RFWD3: variants seen among roughly 807,000 people sequenced by gnomAD.
RFWD3 encodes the protein ring finger and WD repeat domain 3, also known as E3 ubiquitin-protein ligase RFWD3.
Under a neutral mutation model 87.7 loss-of-function variants are expected in RFWD3, and 65 were observed. The observed-to-expected ratio is 0.74, with a 90% confidence interval of 0.61 to 0.91. RFWD3 has a LOEUF of 0.91. Among genes scored for constraint, RFWD3 ranks in the 40% least tolerant of loss-of-function variants. RFWD3 has a pLI of 0.00. For missense variants in RFWD3, 1,078 were observed against 938.5 expected (o/e 1.15, Z -1.94); for synonymous variants, 433 against 352.8 (o/e 1.23, Z -2.55).
Position 74,660,946 on chromosome 16 carries a change from C to T in RFWD3, c.504G>A (p.Arg168=), listed in dbSNP as rs770985780. The T allele has an allele frequency of 1.2e-6, 2 of 1,613,008 alleles. No homozygotes were observed. The highest frequency in any genetic ancestry group is 1.7e-6 in the Non-Finnish European group (2 of 1,179,142). Residue 168 remains arginine (R), a synonymous_variant, in exon 2 of 13, where the codon AGG becomes AGA. Coordinates refer to ENST00000361070, the MANE Select transcript of RFWD3 (RefSeq NM_018124.4). ...TATTTATTTACCTGGCACTGTCTGT[C>T]CTCTGAGACCCTCCGGCTCTTGCCC... ...SRRARAGGSQ[R]TDSARLRAPL... is the part of the protein sequence containing the mutation.
At chr16:74,634,717 T>C (rs1027327481) in intron 8 of RFWD3, among the ~76,000 whole-genome samples, 5 of 149,728 alleles carry the variant, frequency 3.3e-5, no homozygotes, top group African/African-American at 1.2e-4. Context: ...ATACGTCAAA[T>C]CCTAGATTCA....
At chr16:74,662,399 A>G (rs1464867921) in intron 1 of RFWD3, among the ~76,000 whole-genome samples, 1 of 152,236 alleles carries the variant, frequency 6.6e-6, no homozygotes, top group Middle Eastern at 3.2e-3. Flanking sequence ...TGTTATGCAG[A>G]CAAGACACCC....
At chr16:74,636,721 T>G (rs997360268) in intron 7 of RFWD3, 144 bp from the exon 8 acceptor site, 3 of 512,030 alleles carry the variant, frequency 5.9e-6, no homozygotes, top group Non-Finnish European at 9.7e-6. Context: ...AGAGTTTTTG[T>G]TTTTTTTTTT....
intron 6 of RFWD3, among the ~76,000 whole-genome samples, chr16:74,642,776 A>G (rs1316732705): frequency 2.6e-5 from 4 of 152,218 alleles, no homozygotes; most frequent in Non-Finnish European, 5.9e-5. Flanking sequence ...TACAGGCATG[A>G]GCCACTACAC....
Position 74,636,964 on chromosome 16 carries a change from C to T in RFWD3, c.1195-387G>A, listed in dbSNP as rs538497039. On this transcript the variant is annotated intron_variant, in intron 7 of 12. Transcript: ENST00000361070. ...CTGACCTCAGGTGATCCACCCGCCTCGGCCGCCCAAAGTGCTGGGATTACA... is the reference window on the plus strand; with the variant it reads ...CTGACCTCAGGTGATCCACCCGCCTTGGCCGCCCAAAGTGCTGGGATTACA... Among the ~76,000 whole-genome samples the T allele has an allele frequency of 6.6e-5, 10 of 152,028 alleles. No homozygotes were observed. In the South Asian group the frequency reaches 8.3e-4, roughly 13 times the overall value.
chr16:74,661,331 G>A lies in RFWD3; in HGVS notation c.119C>T (p.Pro40Leu), dbSNP rs1421140629. Residue 40 changes from proline to leucine, a missense_variant, in exon 2 of 13, where the codon CCT (proline) becomes CTT (leucine). Physicochemically the swap from Pro to Leu is moderately conservative, Grantham distance 98. Transcript: ENST00000361070. ...QGGPALLQPV[P>L]ADVVSSQGVP... ...CCCCTGGCTGCTGACCACATCAGCA[G>A]GAACAGGCTGGAGGAGGGCTGGTCC... 7.4e-6 allele frequency: 12 copies of A among 1,614,022 alleles called. No homozygotes were observed. The Admixed American group carries it at 1.3e-4, about 18-fold the overall frequency.
intron 6 of RFWD3, among the ~76,000 whole-genome samples, chr16:74,640,894 A>C (rs1468772561): frequency 6.6e-6 from 1 of 151,964 alleles, no homozygotes; most frequent in Non-Finnish European, 1.5e-5. Context: ...AGCTGAGATC[A>C]CGCCACTGCA....
At chr16:74,639,792 G>A (rs1959472891) in intron 6 of RFWD3, among the ~76,000 whole-genome samples, 1 of 152,138 alleles carries the variant, frequency 6.6e-6, no homozygotes, top group Admixed American at 6.6e-5. Flanking sequence ...GAATATGTGA[G>A]AAAGAATTAA....
chr16:74,637,078 A>G (rs1417353401), intron 7 of RFWD3, among the ~76,000 whole-genome samples: 1 of 144,142 alleles, frequency 6.9e-6, no homozygotes, highest in East Asian at 2.2e-4. Flanking sequence ...GAATCATAAT[A>G]TGAGGGTTGA....
chr16:74,654,620 A>G (rs530787263), intron 2 of RFWD3, among the ~76,000 whole-genome samples: 4 of 152,168 alleles, frequency 2.6e-5, no homozygotes, highest in Non-Finnish European at 5.9e-5. Flanking sequence ...GGCATCTCTC[A>G]CTTTAAATCA....
intron 6 of RFWD3, among the ~76,000 whole-genome samples, chr16:74,642,297 T>A (rs150468265): frequency 2.4e-4 from 37 of 152,138 alleles, no homozygotes; most frequent in African/African-American, 8.7e-4. Flanking sequence ...TAATTTTTTG[T>A]ATTTTTAGTA....
intron 10 of RFWD3, among the ~76,000 whole-genome samples, 174 bp from the exon 11 acceptor site, chr16:74,628,840 A>G (rs1390869939): frequency 2.0e-5 from 3 of 152,224 alleles, no homozygotes; most frequent in Non-Finnish European, 2.9e-5. Context: ...ACAAAAGGAC[A>G]TACATATAAT....
At chr16:74,661,568 G>T in intron 1 of RFWD3, 117 bp from the exon 2 acceptor site, 1 of 989,012 alleles carries the variant, frequency 1.0e-6, no homozygotes, top group Non-Finnish European at 1.5e-6. Flanking sequence ...TAGCAAGACT[G>T]AGAAGCTTCA....
intron 2 of RFWD3, among the ~76,000 whole-genome samples, chr16:74,658,241 A>G (rs568355375): frequency 2.6e-5 from 4 of 152,228 alleles, no homozygotes; most frequent in Non-Finnish European, 5.9e-5. Flanking sequence ...ATTCACCAAT[A>G]TATCTAGGGC....
intron 6 of RFWD3, among the ~76,000 whole-genome samples, chr16:74,641,091 C>T (rs190915017): frequency 6.6e-6 from 1 of 152,134 alleles, no homozygotes; most frequent in Non-Finnish European, 1.5e-5. Flanking sequence ...ATTGCTAGAC[C>T]TCTCTGCAGC....
At chr16:74,658,054 G>C (rs1961138143) in intron 2 of RFWD3, among the ~76,000 whole-genome samples, 1 of 152,096 alleles carries the variant, frequency 6.6e-6, no homozygotes, top group Non-Finnish European at 1.5e-5. Flanking sequence ...CACAGGAAAG[G>C]GGAACTGTGA....
chr16:74,665,434 C>A (rs570630221), intron 1 of RFWD3, among the ~76,000 whole-genome samples: 22 of 152,104 alleles, frequency 1.4e-4, no homozygotes, highest in Middle Eastern at 3.4e-3. Context: ...AAAAACTACC[C>A]GGGTGTGGTG....
At chr16:74,642,029 TC>T (rs1297050973) in intron 6 of RFWD3, among the ~76,000 whole-genome samples, 1 of 150,530 alleles carries the variant, frequency 6.6e-6, no homozygotes, top group African/African-American at 2.4e-5. Context: ...ATATAGCTAA[TC>T]AAATACATAA....
chr16:74,634,501 C>T (rs1386872756), intron 8 of RFWD3, among the ~76,000 whole-genome samples: 1 of 152,094 alleles, frequency 6.6e-6, no homozygotes, highest in Non-Finnish European at 1.5e-5. Flanking sequence ...CCTCCCAACT[C>T]AGCCTCCCAA....
Sources: gnomAD v4.1 joint callset for allele counts (sites outside exome capture counted in the v4.1 genomes callset) on GRCh38, gnomAD v4.1.1 for gene constraint, MANE v1.5 for transcripts, NCBI Gene and HGNC (gene_info 2026-07-23, HGNC 2026-07-21) for gene names.